NT5C1B: variants seen among roughly 807,000 people sequenced by gnomAD.
The protein encoded by NT5C1B is 5'-nucleotidase, cytosolic IB.
NT5C1B carries 44 observed loss-of-function variants against 57.8 expected under a neutral mutation model. The ratio of observed to expected loss-of-function variants is 0.76; its 90% confidence interval spans 0.60 to 0.98. The LOEUF (loss-of-function observed/expected upper bound fraction) is 0.98. Ranked by LOEUF, NT5C1B falls within the 50% of genes least tolerant of loss-of-function variation. The pLI, the probability that NT5C1B is intolerant of heterozygous loss-of-function variation, is 0.00. For missense variants in NT5C1B, 742 were observed against 719.5 expected (o/e 1.03, Z -0.36); for synonymous variants, 284 against 282.6 (o/e 1.00, Z -0.05).
Position 18,584,638 on chromosome 2 carries a change from T to C in NT5C1B, c.599A>G (p.Asp200Gly). ...CTGCTGCTCGGACAGAGAGTTGCGG[T>C]CCAGCTGGGTGGAGGCGGGGTAGAT... The change falls in exon 4 of 9, where the codon GAC becomes GGC. Residue 200 changes from aspartate to glycine, a missense_variant. By Grantham distance (94) the Asp-to-Gly change is moderately conservative (BLOSUM62 -1). Coordinates refer to ENST00000304081, the Ensembl canonical transcript of NT5C1B. This position sits in a 1 kb window ranked among gnomAD's most constrained non-coding sequence, Gnocchi z 5.8. 6.2e-7 allele frequency: 1 copy of C among 1,613,126 alleles called. No homozygotes were observed. The highest frequency in any genetic ancestry group is 8.5e-7 in the Non-Finnish European group (1 of 1,179,688).
chr2:18,564,082 A>G, exon 9 of NT5C1B: 1 of 1,602,726 alleles, frequency 6.2e-7, no homozygotes, highest in South Asian at 1.1e-5. Context: ...CTTCTTTTGC[A>G]GTCTGCCTAA....
At chr2:18,589,469 T>G (rs1473288892) in exon 1 of NT5C1B, 16 of 1,613,936 alleles carry the variant, frequency 9.9e-6, no homozygotes, top group Non-Finnish European at 1.4e-5. Context: ...TTTGACTCAT[T>G]TTTTTACCTG....
In NT5C1B at chr2:18,584,298, G is replaced by A. The variant is rs1282383536; in HGVS notation, c.724-43C>T. On this transcript the variant is annotated intron_variant, in intron 4 of 8. Transcript: ENST00000304081. This position sits in a 1 kb window ranked among gnomAD's most constrained non-coding sequence, Gnocchi z 5.8. The stretch of plus-strand genomic sequence containing the variant: ...AAAGGGAGGATAGTCACATAGCCAC[G>A]AAGAGGACAGGGTTGGGGCTCCTCC... 1.3e-6 allele frequency: 2 copies of A among 1,599,732 alleles called. No individual in the cohort carries two copies. The highest frequency in any genetic ancestry group is 2.2e-5 in the East Asian group (1 of 44,760).
chr2:18,583,077 C>CA, intron 5 of NT5C1B, 80 bp from the exon 6 acceptor site: 1 of 1,514,202 alleles, frequency 6.6e-7, no homozygotes, highest in Non-Finnish European at 8.8e-7. Flanking sequence ...AGCATCTCAT[C>CA]AGAGTCAAAT....
Position 18,584,010 on chromosome 2 carries a change from A to G in NT5C1B, c.891+78T>C. On this transcript the variant is annotated intron_variant, in intron 5 of 8. Transcript: ENST00000304081. The surrounding 1 kb of genome is among the most constrained non-coding windows in gnomAD (Gnocchi z 5.8). The stretch of plus-strand genomic sequence containing the variant: ...GGCTAGGAATGATCTGGGAAATTGG[A>G]TGCCCTCCCAAGGGTTGGCCTGGGT... 6.2e-7 allele frequency: 1 copy of G among 1,610,892 alleles called. No homozygotes were observed. Among genetic ancestry groups the G allele is most frequent in the East Asian group, 2.2e-5 (1 of 44,824 alleles).
Position 18,576,758 on chromosome 2 carries a change from A to C in NT5C1B, c.1144+15T>G. The C allele has an allele frequency of 6.2e-7, 1 of 1,612,296 alleles. No homozygotes were observed. Among genetic ancestry groups the C allele is most frequent in the Middle Eastern group, 1.7e-4 (1 of 6,048 alleles). On this transcript the variant is annotated intron_variant, in intron 7 of 8. Coordinates refer to ENST00000304081, the Ensembl canonical transcript of NT5C1B. The stretch of plus-strand genomic sequence containing the variant: ...AACCTCTTTATTAACTAGAGGAATA[A>C]AATCAGACTAATACCTTCTTGTATT...
chr2:18,588,797 C>T (rs1666949912), intron 1 of NT5C1B, among the ~76,000 whole-genome samples: 1 of 152,090 alleles, frequency 6.6e-6, no homozygotes, highest in Non-Finnish European at 1.5e-5. Flanking sequence ...TGCTTCATTC[C>T]TGGATAAACA....
rs978282906 is a variant in NT5C1B, at chr2:18,584,168, C to A, written c.811G>T (p.Gly271Cys). Residue 271 changes from glycine (G) to cysteine (C), a missense_variant, in exon 5 of 9, where the codon GGT becomes TGT. By Grantham distance (159) the Gly-to-Cys change is radical. Coordinates refer to ENST00000304081, the Ensembl canonical transcript of NT5C1B. The surrounding 1 kb of genome is among the most constrained non-coding windows in gnomAD (Gnocchi z 5.8). ...TGATACTCCATGTACTTTTCCAGACCCTCTTGCTCGTAGATTTTCCTGCCG... is the reference window on the plus strand; with the variant it reads ...TGATACTCCATGTACTTTTCCAGACACTCTTGCTCGTAGATTTTCCTGCCG... 1 of 1,614,134 alleles carries A rather than the reference C, an allele frequency of 6.2e-7. No homozygotes were observed. The highest frequency in any genetic ancestry group is 1.7e-5 in the Admixed American group (1 of 60,018).
intron 8 of NT5C1B, among the ~76,000 whole-genome samples, chr2:18,574,595 AG>A (rs35165251): frequency 6.6e-6 from 1 of 152,116 alleles, no homozygotes; most frequent in African/African-American, 2.4e-5. Flanking sequence ...GTCCATCATC[AG>A]GGGAATGGAT....
In NT5C1B at chr2:18,584,831, G is replaced by C. The variant is rs781388392; in HGVS notation, c.406C>G (p.Pro136Ala). Residue 136 changes from proline to alanine, a missense_variant, in exon 4 of 9, where the codon CCC becomes GCC. Coordinates refer to ENST00000304081, the Ensembl canonical transcript of NT5C1B. The surrounding 1 kb of genome is among the most constrained non-coding windows in gnomAD (Gnocchi z 5.8). ...CGGGAGCCAGGATCGGGCTCTGGGG[G>C]CGTGGGAGGCCGCGAGTCCAGCGAC... 3 of 1,611,428 alleles carry C rather than the reference G, an allele frequency of 1.9e-6. No homozygotes were observed. The highest frequency in any genetic ancestry group is 2.5e-6 in the Non-Finnish European group (3 of 1,179,198).
intron 2 of NT5C1B, chr2:18,587,259 G>A: frequency 6.6e-7 from 1 of 1,511,060 alleles, no homozygotes; most frequent in Non-Finnish European, 8.9e-7. Flanking sequence ...TCCCCCCTGT[G>A]TAGGCTGAGC....
intron 1 of NT5C1B, among the ~76,000 whole-genome samples, chr2:18,589,111 A>G (rs1416252893): frequency 6.6e-6 from 1 of 152,214 alleles, no homozygotes; most frequent in Non-Finnish European, 1.5e-5. Context: ...CTACTAGGCC[A>G]TGCATTCTTC....
At chr2:18,564,158 G>T (rs544301640) in intron 8 of NT5C1B, 39 bp from the exon 9 acceptor site, 7 of 1,505,266 alleles carry the variant, frequency 4.7e-6, no homozygotes, top group African/African-American at 2.8e-5. Context: ...GATACAGTGA[G>T]CCAAAGAAAG....
chr2:18,579,902 A>C (rs552919196), intron 6 of NT5C1B, among the ~76,000 whole-genome samples: 80 of 152,360 alleles, frequency 5.3e-4, no homozygotes, highest in South Asian at 1.4e-3. Flanking sequence ...CAAAGGTCAA[A>C]AATCCAGAAT....
intron 1 of NT5C1B, 75 bp downstream of exon 1, chr2:18,589,364 C>T (rs1222049082): frequency 1.2e-6 from 2 of 1,600,314 alleles, no homozygotes; most frequent in African/African-American, 2.7e-5. Flanking sequence ...AGAGCCTTTG[C>T]AGAGGCAAAT....
At chr2:18,567,840 T>A (rs930739004) in intron 8 of NT5C1B, among the ~76,000 whole-genome samples, 2 of 152,172 alleles carry the variant, frequency 1.3e-5, no homozygotes, top group Admixed American at 1.3e-4. Context: ...GTGATTAATA[T>A]CTTTAAATGT....
intron 2 of NT5C1B, 82 bp from the exon 3 acceptor site, chr2:18,586,473 C>A: frequency 6.4e-7 from 1 of 1,571,356 alleles, no homozygotes; most frequent in Non-Finnish European, 8.6e-7. Flanking sequence ...ATAGTCATGT[C>A]AGGCTGAATA....
At chr2:18,586,528 C>A in intron 2 of NT5C1B, 137 bp from the exon 3 acceptor site, 1 of 1,314,628 alleles carries the variant, frequency 7.6e-7, no homozygotes, top group Admixed American at 2.5e-5. Flanking sequence ...TGACTCTTAA[C>A]TCAACCTGAA....
intron 8 of NT5C1B, among the ~76,000 whole-genome samples, chr2:18,568,545 A>C (rs1664867180): frequency 6.6e-6 from 1 of 152,228 alleles, no homozygotes. Context: ...TTTGAATATG[A>C]AATACATATT....
Sources: allele counts gnomAD v4.1 joint callset (sites outside exome capture counted in the v4.1 genomes callset), GRCh38; gene constraint gnomAD v4.1.1; non-coding constraint Gnocchi (gnomAD v3.1); transcripts MANE v1.5; gene names NCBI Gene and HGNC (gene_info 2026-07-23, HGNC 2026-07-21).